Variants in TJP1 observed in about 807,000 individuals in gnomAD.
TJP1 encodes the protein tight junction protein 1, also known as tight junction protein ZO-1.
A neutral mutation model predicts 194.2 loss-of-function variants in TJP1; 43 were observed. The observed-to-expected ratio is 0.22, with a 90% CI of 0.17 to 0.29. TJP1 has a LOEUF of 0.29. TJP1 is among the 10% of genes least tolerant of loss of function. TJP1 has a pLI of 1.00. For synonymous variants in TJP1, 801 were observed against 779.0 expected, an observed-to-expected ratio of 1.03 and a Z score of -0.47; for missense variants, 1,971 against 2,185.7, an observed-to-expected ratio of 0.90 and a Z score of 1.96.
Position 29,804,410 on chromosome 15 carries a change from ATT to A in TJP1, c.28-3710_28-3709del, listed in dbSNP as rs376129327. Among the ~76,000 whole-genome samples, 31 of 152,314 alleles carry A rather than the reference ATT, an allele frequency of 2.0e-4. No homozygotes were observed. In the South Asian group the frequency reaches 5.8e-3, roughly 29 times the overall value. ...ATCAAAGCTAAAATTGATATGAGAC[ATT>A]TTTAGTACCAGTAAATTTATTAACC... On this transcript the variant is annotated intron_variant, in intron 1 of 27. Transcript: ENST00000614355.
At chr15:29,706,105 T>C (rs1170736478) in intron 25 of TJP1, among the ~76,000 whole-genome samples, 1 of 152,104 alleles carries the variant, frequency 6.6e-6, no homozygotes, top group Non-Finnish European at 1.5e-5. Flanking sequence ...CTAATTTTTG[T>C]ATTTTTAGTA....
chr15:29,732,869 A>G (rs893818078), intron 13 of TJP1, 54 bp from the exon 14 acceptor site: 4 of 1,475,802 alleles, frequency 2.7e-6, no homozygotes, highest in Admixed American at 4.8e-5. Context: ...CAAAATGGAA[A>G]AAGACCCACA....
At chr15:29,943,628 C>CAAAAAAA (rs71103417) in intron 2 of TJP1, among the ~76,000 whole-genome samples, 1 of 51,016 alleles carries the variant, frequency 2.0e-5, no homozygotes. Flanking sequence ...GACTCCATCT[C>CAAAAAAA]AAAAAAAAAA....
At chr15:29,815,902 G>T (rs1369854231) in intron 1 of TJP1, among the ~76,000 whole-genome samples, 1 of 152,122 alleles carries the variant, frequency 6.6e-6, no homozygotes, top group Non-Finnish European at 1.5e-5. Context: ...AAAGGGAGTG[G>T]AACTACTGTA....
At chr15:29,914,106 T>C (rs568857133) in intron 2 of TJP1, among the ~76,000 whole-genome samples, 2 of 152,278 alleles carry the variant, frequency 1.3e-5, no homozygotes, top group African/African-American at 2.4e-5. Flanking sequence ...AAGCTGAAGA[T>C]AGCCATCCAA....
At chr15:29,737,186 T>C (rs568700952) in intron 11 of TJP1, 78 bp downstream of exon 11, 38 of 1,526,626 alleles carry the variant, frequency 2.5e-5, no homozygotes, top group East Asian at 1.6e-4. Flanking sequence ...CTAATTACAA[T>C]AGTAAGCTTG....
intron 2 of TJP1, among the ~76,000 whole-genome samples, chr15:29,922,787 G>A (rs894431633): frequency 3.3e-5 from 5 of 152,210 alleles, no homozygotes; most frequent in East Asian, 1.9e-4. Flanking sequence ...GGTTAACAGT[G>A]TAATAATGAT....
chr15:29,762,155 T>C (rs746646668), intron 6 of TJP1, among the ~76,000 whole-genome samples, 180 bp downstream of exon 6: 43 of 152,236 alleles, frequency 2.8e-4, no homozygotes, highest in Non-Finnish European at 1.5e-4. Context: ...GACCCTGTGA[T>C]ACCTAAAGCA....
chr15:29,712,371 C>T (rs2042293400), intron 23 of TJP1, among the ~76,000 whole-genome samples: 1 of 152,160 alleles, frequency 6.6e-6, no homozygotes, highest in South Asian at 2.1e-4. Context: ...ACTTGACGTT[C>T]CTTTTCAAGT....
At chr15:29,932,566 AG>A (rs1380647753) in intron 2 of TJP1, among the ~76,000 whole-genome samples, 4 of 152,200 alleles carry the variant, frequency 2.6e-5, no homozygotes, top group Non-Finnish European at 4.4e-5. Context: ...TGGAAAAAAA[AG>A]GGTTTTTTAA....
intron 2 of TJP1, among the ~76,000 whole-genome samples, chr15:29,870,075 C>T (rs1009654645): frequency 1.3e-5 from 2 of 151,578 alleles, no homozygotes; most frequent in Non-Finnish European, 2.9e-5. Context: ...AATCCACCAC[C>T]CCGCCCCCCA....
intron 1 of TJP1, among the ~76,000 whole-genome samples, chr15:29,967,661 C>T (rs980472438): frequency 2.0e-5 from 3 of 152,172 alleles, no homozygotes; most frequent in Non-Finnish European, 4.4e-5. Flanking sequence ...CCATCTTTTT[C>T]TTGGCTGATC....
intron 2 of TJP1, among the ~76,000 whole-genome samples, chr15:29,919,959 G>A (rs1025970909): frequency 6.6e-6 from 1 of 152,344 alleles, no homozygotes; most frequent in African/African-American, 2.4e-5. Context: ...CAGAAAGGAT[G>A]CAAGTGGTTG....
At chr15:29,702,351 G>A (rs570350493) in intron 27 of TJP1, among the ~76,000 whole-genome samples, 110 of 152,268 alleles carry the variant, frequency 7.2e-4, no homozygotes, top group Non-Finnish European at 1.4e-3. Flanking sequence ...TTGACTGGGT[G>A]TTAGTTAGGT....
chr15:29,749,978 G>T (rs1482643579), intron 8 of TJP1, among the ~76,000 whole-genome samples: 1 of 151,584 alleles, frequency 6.6e-6, no homozygotes, highest in African/African-American at 2.4e-5. Flanking sequence ...GAGTAGCTGG[G>T]ATTACAGGAG....
At chr15:29,742,521 T>C (rs2151352285) in intron 9 of TJP1, 121 bp downstream of exon 9, 1 of 1,201,032 alleles carries the variant, frequency 8.3e-7, no homozygotes, top group Non-Finnish European at 1.1e-6. Flanking sequence ...GGAAGTCATA[T>C]GCAGACAAAT....
intron 2 of TJP1, among the ~76,000 whole-genome samples, chr15:29,773,937 A>G (rs891482805): frequency 6.6e-6 from 1 of 152,206 alleles, no homozygotes; most frequent in African/African-American, 2.4e-5. Flanking sequence ...AAACTAAATT[A>G]TAATAAGCTA....
intron 7 of TJP1, 141 bp downstream of exon 7, chr15:29,761,459 GA>G: frequency 7.7e-7 from 1 of 1,290,886 alleles, no homozygotes; most frequent in Non-Finnish European, 1.0e-6. Context: ...TTGTCTACAG[GA>G]AAAAATGTAT....
At chr15:29,713,422 C>G (rs1346492869) in intron 23 of TJP1, among the ~76,000 whole-genome samples, 2 of 152,214 alleles carry the variant, frequency 1.3e-5, no homozygotes, top group African/African-American at 4.8e-5. Flanking sequence ...TATCTGCTTG[C>G]TTCCTGGGGC....
Sources: allele counts gnomAD v4.1 joint callset (sites outside exome capture counted in the v4.1 genomes callset), GRCh38; gene constraint gnomAD v4.1.1; transcripts MANE v1.5; gene names NCBI Gene and HGNC (gene_info 2026-07-23, HGNC 2026-07-21).